The following UNC13C variants were observed in gnomAD, a reference collection of about 807,000 sequenced individuals.
The protein encoded by UNC13C is unc-13 homolog C, also known as protein unc-13 homolog C.
A neutral mutation model predicts 245.4 loss-of-function variants in UNC13C; 174 were observed. The observed-to-expected ratio is 0.71, with a 90% CI of 0.63 to 0.80. UNC13C has a LOEUF of 0.80. Among genes scored for constraint, UNC13C ranks in the 30% least tolerant of loss-of-function variants. The pLI, the probability that UNC13C is intolerant of heterozygous loss-of-function variation, is 0.00. For missense variants in UNC13C, 2,829 were observed against 2,602.9 expected (o/e 1.09, Z -1.89); for synonymous variants, 992 against 895.1 (o/e 1.11, Z -1.93).
At chr15:54,187,095 T>G (rs7174100) in intron 4 of UNC13C, among the ~76,000 whole-genome samples, 137,552 of 151,860 alleles carry the variant, frequency 0.91, 62,745 homozygotes, top group Non-Finnish European at 0.97. Flanking sequence ...TGATCTGCCC[T>G]CCTTGGCATC....
At chr15:53,923,400 T>C in the UNC13C span, among the ~76,000 whole-genome samples, 3 of 152,234 alleles carry the variant, frequency 2.0e-5, no homozygotes, top group Non-Finnish European at 2.9e-5. Context: ...TCAGTGAATG[T>C]AGTAGACAGA....
At chr15:54,081,810 G>A (rs574983275) in intron 2 of UNC13C, among the ~76,000 whole-genome samples, 2 of 152,192 alleles carry the variant, frequency 1.3e-5, no homozygotes, top group South Asian at 4.1e-4. Context: ...ATTGATATGT[G>A]AGGTTTTGTT....
chr15:54,015,276 T>A lies in UNC13C; in HGVS notation c.2373T>A (p.Thr791=), dbSNP rs1156636758. 1 of 1,437,454 alleles carries A rather than the reference T, an allele frequency of 7.0e-7. No individual in the cohort carries two copies. The highest frequency in any genetic ancestry group is 2.0e-5 in the Admixed American group (1 of 49,656). The allele number at this position is 1,437,454 out of a possible 1,614,324, so 89.0% of individuals were successfully genotyped here. ...TAAGCATTGACCTTTCTGATAAGACTTTCAGCTTCCCAAAATTTGGATCTA... is the reference window on the plus strand; with the variant it reads ...TAAGCATTGACCTTTCTGATAAGACATTCAGCTTCCCAAAATTTGGATCTA... The part of the protein sequence containing the change: ...SRLSIDLSDK[T]FSFPKFGSTL... The change falls in exon 2 of 33, where the codon ACT becomes ACA. Residue 791 remains threonine (T), a synonymous_variant. Transcript: ENST00000260323.
At chr15:54,483,853 C>T (rs1367468680) in intron 19 of UNC13C, among the ~76,000 whole-genome samples, 1 of 152,074 alleles carries the variant, frequency 6.6e-6, no homozygotes, top group Non-Finnish European at 1.5e-5. Flanking sequence ...TGCAAAATGC[C>T]ACTGGCATTT....
chr15:54,574,022 C>T (rs1195931543), intron 30 of UNC13C, among the ~76,000 whole-genome samples: 1 of 152,118 alleles, frequency 6.6e-6, no homozygotes, highest in African/African-American at 2.4e-5. Flanking sequence ...CGTACTTGCG[C>T]TCTTATTTTA....
chr15:54,318,338 C>T (rs1357409441), intron 13 of UNC13C, among the ~76,000 whole-genome samples: 1 of 151,862 alleles, frequency 6.6e-6, no homozygotes, highest in Non-Finnish European at 1.5e-5. Flanking sequence ...TTTACATTCC[C>T]ACCAACAGTA....
intron 14 of UNC13C, among the ~76,000 whole-genome samples, chr15:54,323,159 T>C (rs2038209655): frequency 6.6e-6 from 1 of 152,126 alleles, no homozygotes; most frequent in Admixed American, 6.6e-5. Context: ...TTGAGTTATG[T>C]GTCATAGAAA....
At chr15:54,347,344 C>G (rs1404408716) in intron 17 of UNC13C, among the ~76,000 whole-genome samples, 3 of 152,174 alleles carry the variant, frequency 2.0e-5, no homozygotes. Context: ...ACACAGAGAT[C>G]ATCCACAAGA....
At chr15:54,541,775 C>T (rs1896257915) in intron 26 of UNC13C, among the ~76,000 whole-genome samples, 2 of 152,036 alleles carry the variant, frequency 1.3e-5, no homozygotes, top group Admixed American at 6.6e-5. Context: ...GATAATGTTA[C>T]ATCATTATGT....
intron 17 of UNC13C, among the ~76,000 whole-genome samples, chr15:54,365,401 A>G (rs1246034257): frequency 6.6e-6 from 1 of 152,172 alleles, no homozygotes; most frequent in African/African-American, 2.4e-5. Flanking sequence ...TTGTTGAGGT[A>G]TGATTGATAT....
intron 19 of UNC13C, among the ~76,000 whole-genome samples, chr15:54,451,183 G>A (rs1258401806): frequency 6.6e-6 from 1 of 151,944 alleles, no homozygotes; most frequent in African/African-American, 2.4e-5. Flanking sequence ...AGAGTTTATT[G>A]CAGGGTCAGT....
At chr15:53,860,957 T>C in the UNC13C span, among the ~76,000 whole-genome samples, 4 of 152,198 alleles carry the variant, frequency 2.6e-5, no homozygotes, top group African/African-American at 9.6e-5. Context: ...CCAGTTGATG[T>C]ACATTTGATT....
At chr15:54,122,004 C>A (rs2030701013) in intron 2 of UNC13C, among the ~76,000 whole-genome samples, 1 of 151,982 alleles carries the variant, frequency 6.6e-6, no homozygotes, top group Non-Finnish European at 1.5e-5. Context: ...GTGAACTTAA[C>A]AAGTATTCTT....
At chr15:54,500,613 C>A (rs1596481178) in intron 21 of UNC13C, among the ~76,000 whole-genome samples, 3 of 152,238 alleles carry the variant, frequency 2.0e-5, no homozygotes, top group African/African-American at 7.2e-5. Flanking sequence ...TACCTCAATT[C>A]AGCAGTGGAA....
chr15:54,261,421 T>C (rs1187254968), intron 8 of UNC13C, among the ~76,000 whole-genome samples: 1 of 152,226 alleles, frequency 6.6e-6, no homozygotes, highest in East Asian at 1.9e-4. Context: ...TGTAAATCAG[T>C]GACAAAAATT....
intron 26 of UNC13C, among the ~76,000 whole-genome samples, chr15:54,540,360 A>G (rs569277412): frequency 1.3e-5 from 2 of 152,196 alleles, no homozygotes; most frequent in South Asian, 4.1e-4. Flanking sequence ...ATTATATGAC[A>G]GGAAATCTTT....
At chr15:54,380,573 TTCCC>T (rs1375464323) in intron 17 of UNC13C, among the ~76,000 whole-genome samples, 1 of 152,176 alleles carries the variant, frequency 6.6e-6, no homozygotes. Flanking sequence ...CTGATTTACA[TTCCC>T]ATCAAAAGTG....
rs148911401 is a variant in UNC13C, at chr15:54,413,240, T to C, written c.4848-1742T>C. On this transcript the variant is annotated intron_variant, in intron 18 of 32. Transcript: ENST00000260323. ...TTCTTTAGTTTTTTGTGTGTTTTAG[T>C]TTTTAGTTTTAGTTCTTTAGTTCTT... Among the ~76,000 whole-genome samples, 967 of 152,106 alleles carry C rather than the reference T, an allele frequency of 6.4e-3. 6 individuals are homozygous for C. Among genetic ancestry groups the C allele is most frequent in the African/African-American group, 0.022 (900 of 41,568 alleles).
intron 4 of UNC13C, among the ~76,000 whole-genome samples, chr15:54,152,281 G>A (rs1055251063): frequency 2.0e-5 from 3 of 152,052 alleles, no homozygotes; most frequent in Non-Finnish European, 2.9e-5. Context: ...GGCAGCTAGC[G>A]GGGCCAATCC....
Sources: allele counts gnomAD v4.1 joint callset (sites outside exome capture counted in the v4.1 genomes callset), GRCh38; gene constraint gnomAD v4.1.1; transcripts MANE v1.5; gene names NCBI Gene and HGNC (gene_info 2026-07-23, HGNC 2026-07-21).